SLC6A3: variants seen among roughly 807,000 people sequenced by gnomAD.
SLC6A3 encodes the protein solute carrier family 6 member 3, also known as sodium-dependent dopamine transporter.
In SLC6A3, 19 loss-of-function variants were observed where a neutral mutation model predicts 70.4. That is an observed-to-expected ratio of 0.27 (90% confidence interval 0.19 to 0.40). The LOEUF (loss-of-function observed/expected upper bound fraction) is 0.40. Ranked by LOEUF, SLC6A3 falls within the 10% of genes least tolerant of loss-of-function variation. SLC6A3 has a pLI of 1.00. For missense variants in SLC6A3, 613 were observed against 838.5 expected (o/e 0.73, Z 3.32); for synonymous variants, 368 against 356.6 (o/e 1.03, Z -0.36).
chr5:1,420,755 A>C, intron 5 of SLC6A3, 52 bp from the exon 6 acceptor site: 1 of 1,605,734 alleles, frequency 6.2e-7, no homozygotes, highest in Admixed American at 1.7e-5. Flanking sequence ...CCTTGGTGGG[A>C]GCAGACACTG....
rs752249096 is a variant in SLC6A3, at chr5:1,440,861, G to T, written c.418+498C>A. The stretch of plus-strand genomic sequence containing the variant: ...CCTCCAGAGCTGTGAGACAATAAAC[G>T]TGTGCCTTTTAAGCCTCCCAGTTTG... On this transcript the variant is annotated intron_variant, in intron 3 of 14. Coordinates refer to ENST00000270349, the MANE Select transcript of SLC6A3 (RefSeq NM_001044.5). Among the ~76,000 whole-genome samples the T allele has an allele frequency of 2.6e-5, 4 of 152,160 alleles. No individual in the cohort carries two copies. In the East Asian group the frequency reaches 7.7e-4, roughly 29 times the overall value.
chr5:1,417,272 C>A (rs1159779268), intron 6 of SLC6A3, among the ~76,000 whole-genome samples: 1 of 152,138 alleles, frequency 6.6e-6, no homozygotes, highest in Admixed American at 6.5e-5. Context: ...ATAAACTCAT[C>A]CTGAGGCTAC....
intron 6 of SLC6A3, among the ~76,000 whole-genome samples, chr5:1,417,947 G>A (rs1383272022): frequency 6.6e-6 from 1 of 152,242 alleles, no homozygotes; most frequent in Non-Finnish European, 1.5e-5. Flanking sequence ...GGGGCCCTCT[G>A]TCCTTTGGGC....
chr5:1,393,458 C>T lies in SLC6A3; in HGVS notation c.*1277G>A, dbSNP rs1275472865. ...GTAAATATGATTTTAAAAAGCCATT[C>T]GCAAACATAAAAACTGTTGTTATTG... On this transcript the variant is annotated 3_prime_UTR_variant, in exon 15 of 15. Coordinates refer to ENST00000270349, the MANE Select transcript of SLC6A3 (RefSeq NM_001044.5). 1.3e-5 allele frequency: 2 copies of T among 153,158 alleles called. No homozygotes were observed. The highest frequency in any genetic ancestry group is 1.5e-5 in the Non-Finnish European group (1 of 68,224). The allele number at this position is 153,158 out of a possible 1,614,324, so 9.5% of individuals were successfully genotyped here.
rs948698965 is a variant in SLC6A3 at position 1,404,284 on chromosome 5, G to A, written c.1600-1195C>T. On this transcript the variant is annotated intron_variant, in intron 12 of 14. Coordinates refer to ENST00000270349, the MANE Select transcript of SLC6A3 (RefSeq NM_001044.5). This position sits in a 1 kb window ranked among gnomAD's most constrained non-coding sequence, Gnocchi z 5.2. ...GAGCCAGGGTGAGCAGCACTTTGGC[G>A]AGCAAAGCCAGTGGCCTGCAGCATC... Among the ~76,000 whole-genome samples the A allele has an allele frequency of 3.3e-5, 5 of 152,216 alleles. No homozygotes were observed. Among genetic ancestry groups the A allele is most frequent in the South Asian group, 2.1e-4 (1 of 4,826 alleles).
chr5:1,428,049 C>G (rs1257565250), intron 4 of SLC6A3, among the ~76,000 whole-genome samples: 1 of 151,998 alleles, frequency 6.6e-6, no homozygotes, highest in Non-Finnish European at 1.5e-5. Flanking sequence ...AATACATATT[C>G]TTTCTAGGTG....
rs1755869394 is a variant in SLC6A3 at position 1,402,349 on chromosome 5, G to A, written c.1767+573C>T. Among the ~76,000 whole-genome samples, 1 of 151,494 alleles carries A rather than the reference G, an allele frequency of 6.6e-6. No individual in the cohort carries two copies. Among genetic ancestry groups the A allele is most frequent in the African/African-American group, 2.4e-5 (1 of 41,172 alleles). On this transcript the variant is annotated intron_variant, in intron 13 of 14. Transcript: ENST00000270349. This position sits in a 1 kb window ranked among gnomAD's most constrained non-coding sequence, Gnocchi z 8.5. ...ACAAAGGCGGCAAAACCAAGCAGAA[G>A]AAAGGAGATGCATATCAGTGACTCC... is the stretch of plus-strand genomic sequence containing the variant.
chr5:1,421,400 C>A lies in SLC6A3; in HGVS notation c.792+476G>T, dbSNP rs1246067973. 6.6e-6 allele frequency among the ~76,000 whole-genome samples: 1 copy of A among 152,114 alleles called. No homozygotes were observed. Among genetic ancestry groups the A allele is most frequent in the African/African-American group, 2.4e-5 (1 of 41,406 alleles). On this transcript the variant is annotated intron_variant, in intron 5 of 14. Coordinates refer to ENST00000270349, the MANE Select transcript of SLC6A3 (RefSeq NM_001044.5). The surrounding 1 kb of genome is among the most constrained non-coding windows in gnomAD (Gnocchi z 7.2). ...TCATGTTGGCCAGGCTGTTCTTGAA[C>A]CCCTGACCTCAGGTGATCTGCCCGT... is the stretch of plus-strand genomic sequence containing the variant.
At chr5:1,443,844 G>T (rs759436331) in intron 1 of SLC6A3, among the ~76,000 whole-genome samples, 4 of 150,796 alleles carry the variant, frequency 2.7e-5, no homozygotes, top group East Asian at 1.9e-4. Context: ...AGTTATTTTT[G>T]TGTGTGTTTT....
At chr5:1,414,238 A>G (rs1756198745) in intron 8 of SLC6A3, among the ~76,000 whole-genome samples, 1 of 151,676 alleles carries the variant, frequency 6.6e-6, no homozygotes, top group Non-Finnish European at 1.5e-5. Flanking sequence ...CCTCAGTGAC[A>G]GCATCTACGC....
chr5:1,414,030 C>G (rs567185930), intron 8 of SLC6A3, among the ~76,000 whole-genome samples: 1 of 152,360 alleles, frequency 6.6e-6, no homozygotes, highest in Non-Finnish European at 1.5e-5. Context: ...TGCAGGGACA[C>G]TCAGCGTCAT....
chr5:1,443,873 T>G (rs548527854), intron 1 of SLC6A3, among the ~76,000 whole-genome samples: 103 of 152,106 alleles, frequency 6.8e-4, no homozygotes, highest in South Asian at 5.6e-3. Context: ...TGTTGTTGTT[T>G]TTTTGTAGAG....
intron 14 of SLC6A3, among the ~76,000 whole-genome samples, chr5:1,395,129 C>T (rs982482664): frequency 4.6e-5 from 7 of 152,276 alleles, no homozygotes; most frequent in Admixed American, 2.0e-4. Context: ...TTGGGTGTGA[C>T]GTGGTGATGT....
rs896610154 is a variant in SLC6A3, at chr5:1,408,290, C to T, written c.1498+736G>A. Among the ~76,000 whole-genome samples, 1 of 151,470 alleles carries T rather than the reference C, an allele frequency of 6.6e-6. No homozygotes were observed. The highest frequency in any genetic ancestry group is 2.4e-5 in the African/African-American group (1 of 41,138). ...ATCTCTTGATCTCGTGATCTGCCCA[C>T]CTCGGCCTCCCAAAGTGCTGGGATT... On this transcript the variant is annotated intron_variant, in intron 11 of 14. Coordinates refer to ENST00000270349, the MANE Select transcript of SLC6A3 (RefSeq NM_001044.5). This position sits in a 1 kb window ranked among gnomAD's most constrained non-coding sequence, Gnocchi z 6.4.
Position 1,443,171 on chromosome 5 carries a change from T to A in SLC6A3, c.27A>T (p.Gly9=). ...CCGGGGCCACCACGGAAGACATGAG[T>A]CCCACGGAGCATTTGCTCTTACTCA... The part of the protein sequence containing the change: MSKSKCSV[G]LMSSVVAPAK... The change falls in exon 2 of 15, where the codon GGA becomes GGT. Residue 9 remains glycine (G), a synonymous_variant. Transcript: ENST00000270349. 1 of 1,614,188 alleles carries A rather than the reference T, an allele frequency of 6.2e-7. No homozygotes were observed. Among genetic ancestry groups the A allele is most frequent in the Middle Eastern group, 1.6e-4 (1 of 6,062 alleles).
Position 1,402,866 on chromosome 5 carries a change from C to T in SLC6A3, c.1767+56G>A, listed in dbSNP as rs895143481. On this transcript the variant is annotated intron_variant, in intron 13 of 14. Coordinates refer to ENST00000270349, the MANE Select transcript of SLC6A3 (RefSeq NM_001044.5). The surrounding 1 kb of genome is among the most constrained non-coding windows in gnomAD (Gnocchi z 8.5). Reference sequence around the variant, plus strand: ...TGAGGACTGGGGCCATGGACACCCACGGAGCCTTTCTGGTGGCCTCACACT... The same window carrying T: ...TGAGGACTGGGGCCATGGACACCCATGGAGCCTTTCTGGTGGCCTCACACT... The T allele has an allele frequency of 1.8e-5, 29 of 1,572,484 alleles. No individual in the cohort carries two copies. Among genetic ancestry groups the T allele is most frequent in the African/African-American group, 9.5e-5 (7 of 73,930 alleles).
chr5:1,429,396 C>T (rs1756644567), intron 4 of SLC6A3, among the ~76,000 whole-genome samples: 1 of 152,250 alleles, frequency 6.6e-6, no homozygotes. Context: ...GTACCACGTG[C>T]CAGTGCGGAC....
Position 1,392,992 on chromosome 5 carries a change from C to T in SLC6A3, c.*1743G>A, listed in dbSNP as rs1463378813. ...GTCCTCTGTGTCCCTCCCCAGAAGG[C>T]AATGGGGAAGCCGCTCTCTGTGCTG... is the stretch of plus-strand genomic sequence containing the variant. On this transcript the variant is annotated 3_prime_UTR_variant, in exon 15 of 15. Transcript: ENST00000270349. 2 of 151,762 alleles carry T rather than the reference C, an allele frequency of 1.3e-5. No individual in the cohort carries two copies. Among genetic ancestry groups the T allele is most frequent in the African/African-American group, 4.9e-5 (2 of 41,118 alleles). 9.4% of individuals were successfully genotyped at this position (151,762 alleles called of 1,614,324 possible).
rs929849770 is a variant in SLC6A3 at position 1,396,489 on chromosome 5, C to T, written c.1840-1731G>A. ...CACAGGGAGGGTGCAGCCTGGTGGA[C>T]TCCCTGAGCTGAGACGCTGGAAAGG... On this transcript the variant is annotated intron_variant, in intron 14 of 14. Transcript: ENST00000270349. This position sits in a 1 kb window ranked among gnomAD's most constrained non-coding sequence, Gnocchi z 7.0. 2.0e-5 allele frequency among the ~76,000 whole-genome samples: 3 copies of T among 152,174 alleles called. No individual in the cohort carries two copies. The highest frequency in any genetic ancestry group is 7.2e-5 in the African/African-American group (3 of 41,448).
Sources: gnomAD v4.1 joint callset for allele counts (sites outside exome capture counted in the v4.1 genomes callset) on GRCh38, gnomAD v4.1.1 for gene constraint, Gnocchi (gnomAD v3.1) non-coding constraint, MANE v1.5 for transcripts, NCBI Gene and HGNC (gene_info 2026-07-23, HGNC 2026-07-21) for gene names.